PRELID2: variants seen among roughly 807,000 people sequenced by gnomAD.
The protein encoded by PRELID2 is PRELI domain containing 2, also known as PRELI domain-containing protein 2.
Under a neutral mutation model 28.4 loss-of-function variants are expected in PRELID2, and 25 were observed. The observed-to-expected ratio is 0.88, with a 90% CI of 0.64 to 1.23. The LOEUF (loss-of-function observed/expected upper bound fraction) is 1.23. Among genes scored for constraint, PRELID2 ranks in the 50% most tolerant of loss-of-function variants. The pLI, the probability that PRELID2 is intolerant of heterozygous loss-of-function variation, is 0.00. For missense variants in PRELID2, 201 were observed against 214.4 expected (o/e 0.94, Z 0.39); for synonymous variants, 76 against 71.6 (o/e 1.06, Z -0.31).
At chr5:145,597,747 A>G (rs1414410965) in intron 1 of PRELID2, among the ~76,000 whole-genome samples, 1 of 152,184 alleles carries the variant, frequency 6.6e-6, no homozygotes, top group Non-Finnish European at 1.5e-5. Context: ...AATCTTGTTG[A>G]AAATCCCAGA....
intron 1 of PRELID2, among the ~76,000 whole-genome samples, chr5:145,587,681 TATA>T (rs1441724092): frequency 6.6e-6 from 1 of 152,156 alleles, no homozygotes; most frequent in Non-Finnish European, 1.5e-5. Context: ...TCCATTACAT[TATA>T]ATAAGGTACA....
chr5:145,651,056 C>A (rs1754287884), intron 1 of PRELID2, among the ~76,000 whole-genome samples: 1 of 152,190 alleles, frequency 6.6e-6, no homozygotes, highest in African/African-American at 2.4e-5. Context: ...GTCACTCTCA[C>A]CCTAATACTG....
At chr5:145,725,879 A>G (rs555038883) in intron 1 of PRELID2, among the ~76,000 whole-genome samples, 221 of 152,288 alleles carry the variant, frequency 1.5e-3, no homozygotes, top group African/African-American at 5.2e-3. Context: ...TAGAATTAAG[A>G]ATTTAAACAG....
chr5:145,502,395 G>A (rs1408817142), intron 1 of PRELID2, among the ~76,000 whole-genome samples: 1 of 152,020 alleles, frequency 6.6e-6, no homozygotes, highest in Admixed American at 6.6e-5. Flanking sequence ...CCTCCAACAC[G>A]AGGGATTACA....
the PRELID2 span, among the ~76,000 whole-genome samples, chr5:145,425,339 C>G: frequency 7.9e-5 from 12 of 152,294 alleles, no homozygotes; most frequent in South Asian, 2.1e-3. Flanking sequence ...TTATAGAAGA[C>G]AGTATGGTGA....
chr5:145,764,707 AAT>A (rs1315038455), intron 6 of PRELID2, among the ~76,000 whole-genome samples: 2 of 152,210 alleles, frequency 1.3e-5, no homozygotes, highest in African/African-American at 4.8e-5. Flanking sequence ...TAACAATTTG[AAT>A]AGAGTTGTAA....
the PRELID2 span, among the ~76,000 whole-genome samples, chr5:145,442,241 G>C: frequency 3.9e-5 from 6 of 152,058 alleles, no homozygotes; most frequent in South Asian, 4.1e-4. Context: ...CTGGAAATGT[G>C]TTGGTTCATG....
chr5:145,548,049 C>T (rs1192881439), intron 1 of PRELID2, among the ~76,000 whole-genome samples: 2 of 152,292 alleles, frequency 1.3e-5, no homozygotes, highest in East Asian at 3.9e-4. Flanking sequence ...ACTGTAAAGT[C>T]ATAACCAACT....
intron 1 of PRELID2, among the ~76,000 whole-genome samples, chr5:145,599,876 C>G (rs942332184): frequency 6.6e-6 from 1 of 152,092 alleles, no homozygotes. Context: ...TTTCCTAGCC[C>G]CTCAACACCC....
chr5:145,657,719 T>C (rs950447114), intron 1 of PRELID2, among the ~76,000 whole-genome samples: 1 of 152,102 alleles, frequency 6.6e-6, no homozygotes, highest in African/African-American at 2.4e-5. Context: ...AATGAGCCCT[T>C]AAGTGCTAAC....
chr5:145,318,291 CTA>C, the PRELID2 span, among the ~76,000 whole-genome samples: 1,540 of 152,250 alleles, frequency 0.01, 79 homozygotes, highest in East Asian at 0.13. Flanking sequence ...CCATTGTTGT[CTA>C]TGTCAGCCAC....
intron 1 of PRELID2, among the ~76,000 whole-genome samples, chr5:145,614,703 A>G (rs1353305568): frequency 6.6e-6 from 1 of 152,124 alleles, no homozygotes; most frequent in African/African-American, 2.4e-5. Context: ...TTGCTGAATT[A>G]TTTATACGTT....
At chr5:145,697,348 C>T (rs1054307473) in intron 1 of PRELID2, among the ~76,000 whole-genome samples, 1 of 151,836 alleles carries the variant, frequency 6.6e-6, no homozygotes, top group African/African-American at 2.4e-5. Context: ...GGTGAGCAAA[C>T]TCAACGAGGC....
chr5:145,802,523 G>T (rs1192899856), intron 4 of PRELID2, among the ~76,000 whole-genome samples: 1 of 152,140 alleles, frequency 6.6e-6, no homozygotes, highest in Non-Finnish European at 1.5e-5. Context: ...AGCAAAAGAA[G>T]GCAAGAAATA....
At chr5:145,419,045 C>T in the PRELID2 span, among the ~76,000 whole-genome samples, 2 of 150,774 alleles carry the variant, frequency 1.3e-5, no homozygotes, top group Non-Finnish European at 1.5e-5. Flanking sequence ...CATGTCCCTA[C>T]AAAGGACATG....
intron 1 of PRELID2, among the ~76,000 whole-genome samples, chr5:145,688,618 T>C (rs1447381307): frequency 6.6e-6 from 1 of 152,202 alleles, no homozygotes; most frequent in Non-Finnish European, 1.5e-5. Flanking sequence ...TACCTAGAGT[T>C]ACCCAGTTAA....
At chr5:145,268,142 G>A in the PRELID2 span, among the ~76,000 whole-genome samples, 4 of 151,918 alleles carry the variant, frequency 2.6e-5, no homozygotes, top group Admixed American at 1.3e-4. Flanking sequence ...CTTTTAACTC[G>A]ATGTGATCCC....
chr5:145,331,945 G>T, the PRELID2 span, among the ~76,000 whole-genome samples: 8 of 152,144 alleles, frequency 5.3e-5, no homozygotes, highest in Non-Finnish European at 1.2e-4. Context: ...TCCCTCAAGA[G>T]CTATTATAAG....
chr5:145,543,494 T>C (rs967906430), intron 1 of PRELID2, among the ~76,000 whole-genome samples: 5 of 152,168 alleles, frequency 3.3e-5, no homozygotes, highest in African/African-American at 1.2e-4. Flanking sequence ...TTCCTAAATG[T>C]TTATTGATAC....
Sources: allele counts gnomAD v4.1 joint callset (sites outside exome capture counted in the v4.1 genomes callset), GRCh38; gene constraint gnomAD v4.1.1; transcripts MANE v1.5; gene names NCBI Gene and HGNC (gene_info 2026-07-23, HGNC 2026-07-21).